ENDOU: variants seen among roughly 807,000 people sequenced by gnomAD.
ENDOU encodes endonuclease, poly(U) specific.
Under a neutral mutation model 54.2 loss-of-function variants are expected in ENDOU, and 49 were observed. The observed-to-expected ratio is 0.90, with a 90% CI of 0.72 to 1.15. The LOEUF is 1.15. ENDOU is among the 50% of genes most tolerant of loss of function. The pLI is 0.00. For missense variants in ENDOU, 458 were observed against 511.4 expected (o/e 0.90, Z 1.01); for synonymous variants, 172 against 190.5 (o/e 0.90, Z 0.80).
chr12:47,717,389 GC>G, intron 4 of ENDOU, 128 bp downstream of exon 4: 1 of 1,043,856 alleles, frequency 9.6e-7, no homozygotes, highest in Non-Finnish European at 1.4e-6. Context: ...CCGGAGTGAA[GC>G]CCCAGAGTTT....
At chr12:47,717,764 T>A in intron 3 of ENDOU, 109 bp from the exon 4 acceptor site, 2 of 1,183,450 alleles carry the variant, frequency 1.7e-6, no homozygotes, top group South Asian at 2.9e-5. Context: ...CCAGTAAAGA[T>A]CTCCAGGGAA....
chr12:47,716,186 C>A (rs995651126), intron 6 of ENDOU, 114 bp downstream of exon 6: 3 of 1,031,854 alleles, frequency 2.9e-6, no homozygotes, highest in Non-Finnish European at 4.5e-6. Flanking sequence ...GTACACTGAC[C>A]TCCACAGAGT....
chr12:47,713,198 C>G lies in ENDOU; in HGVS notation c.865+77G>C, dbSNP rs1374167926. Reference sequence around the variant, plus strand: ...GCTGGACTGCTGATTAATCCACACCCAGGGCTGCCCTGCTCCTGAGCAAAG... The same window carrying G: ...GCTGGACTGCTGATTAATCCACACCGAGGGCTGCCCTGCTCCTGAGCAAAG... On this transcript the variant is annotated intron_variant, in intron 7 of 9. Transcript: ENST00000422538. 1.3e-5 allele frequency: 13 copies of G among 1,009,648 alleles called. No homozygotes were observed. The Middle Eastern group carries it at 6.3e-4, about 49-fold the overall frequency. 62.5% of individuals were successfully genotyped at this position (1,009,648 alleles called of 1,614,324 possible). A position where few individuals can be genotyped will look rare whatever the true frequency, so the allele number is the denominator to read the frequency against.
At chr12:47,713,751 G>C (rs983882471) in intron 6 of ENDOU, among the ~76,000 whole-genome samples, 4 of 140,684 alleles carry the variant, frequency 2.8e-5, no homozygotes, top group Non-Finnish European at 4.7e-5. Context: ...GGGGGGGGGG[G>C]GTCTTCTAGA....
intron 6 of ENDOU, 54 bp downstream of exon 6, chr12:47,716,246 C>T: frequency 6.3e-7 from 1 of 1,586,406 alleles, no homozygotes; most frequent in Non-Finnish European, 8.6e-7. Flanking sequence ...CCCCGCCCAC[C>T]TGGCTTCGCT....
At position 47,712,625 on chromosome 12, in the gene ENDOU, A is replaced by G. The variant is rs759617938; in HGVS notation, c.866-3T>C. ...AACCTTGCCTTTTTTTACCTCACCTATAATAAAGAGTCCAAGATGGATAAT... is the reference window on the plus strand; with the variant it reads ...AACCTTGCCTTTTTTTACCTCACCTGTAATAAAGAGTCCAAGATGGATAAT... On this transcript the variant is annotated splice_polypyrimidine_tract_variant and splice_region_variant and intron_variant, in intron 7 of 9. Coordinates refer to ENST00000422538, the MANE Select transcript of ENDOU (RefSeq NM_001172439.2). The G allele has an allele frequency of 1.2e-6, 2 of 1,608,598 alleles. No individual in the cohort carries two copies. The highest frequency in any genetic ancestry group is 3.3e-5 in the Admixed American group (2 of 59,946).
chr12:47,717,705 T>C, intron 3 of ENDOU, 50 bp from the exon 4 acceptor site: 1 of 1,594,680 alleles, frequency 6.3e-7, no homozygotes, highest in Non-Finnish European at 8.6e-7. Flanking sequence ...GAGGTCGCTC[T>C]GAACGCCCCA....
At chr12:47,718,301 G>T in intron 2 of ENDOU, 107 bp from the exon 3 acceptor site, 1 of 957,254 alleles carries the variant, frequency 1.0e-6, no homozygotes. Context: ...AAGGGCACTG[G>T]AAGCAAATTC....
chr12:47,710,683 T>G lies in ENDOU; in HGVS notation c.*119A>C, dbSNP rs1217137874. ...GGGCACTTTGGGATTTAGGAATGCTTCTCATTGCTTTGAGATTTGGTGATC... is the reference window on the plus strand; with the variant it reads ...GGGCACTTTGGGATTTAGGAATGCTGCTCATTGCTTTGAGATTTGGTGATC... On this transcript the variant is annotated 3_prime_UTR_variant, in exon 10 of 10. Coordinates refer to ENST00000422538, the MANE Select transcript of ENDOU (RefSeq NM_001172439.2). 2 of 724,934 alleles carry G rather than the reference T, an allele frequency of 2.8e-6. No individual in the cohort carries two copies. The highest frequency in any genetic ancestry group is 5.0e-6 in the Non-Finnish European group (2 of 399,840). The allele number at this position is 724,934 out of a possible 1,614,324, so 44.9% of individuals were successfully genotyped here.
At chr12:47,722,801 C>T (rs1940474939) in intron 1 of ENDOU, among the ~76,000 whole-genome samples, 1 of 152,198 alleles carries the variant, frequency 6.6e-6, no homozygotes, top group South Asian at 2.1e-4. Flanking sequence ...GGTCCTCAGA[C>T]AACTTCACAT....
In ENDOU at chr12:47,713,077, C is replaced by T. The variant is rs185897201; in HGVS notation, c.865+198G>A. On this transcript the variant is annotated intron_variant, in intron 7 of 9. Coordinates refer to ENST00000422538, the MANE Select transcript of ENDOU (RefSeq NM_001172439.2). Reference sequence around the variant, plus strand: ...GGTCTTCTTTCCCCCTTAGGTACTCCAGAAAAGACTGTTTCTCAGAATGGC... The same window carrying T: ...GGTCTTCTTTCCCCCTTAGGTACTCTAGAAAAGACTGTTTCTCAGAATGGC... Among the ~76,000 whole-genome samples, 5 of 152,208 alleles carry T rather than the reference C, an allele frequency of 3.3e-5. No homozygotes were observed. In the East Asian group the frequency reaches 9.7e-4, roughly 29 times the overall value.
chr12:47,722,120 T>C (rs1213855263), intron 1 of ENDOU, among the ~76,000 whole-genome samples: 2 of 152,206 alleles, frequency 1.3e-5, no homozygotes, highest in Non-Finnish European at 2.9e-5. Flanking sequence ...AGATGAATAA[T>C]CCCTGTTTTG....
At chr12:47,713,151 G>C (rs558005435) in intron 7 of ENDOU, 124 bp downstream of exon 7, 2 of 697,886 alleles carry the variant, frequency 2.9e-6, no homozygotes, top group Non-Finnish European at 5.1e-6. Context: ...GGGAGAGTGC[G>C]TGGGTCCCTC....
At chr12:47,713,149 G>C in intron 7 of ENDOU, 126 bp downstream of exon 7, 1 of 687,536 alleles carries the variant, frequency 1.5e-6, no homozygotes. Flanking sequence ...AGGGGAGAGT[G>C]CGTGGGTCCC....
chr12:47,717,624 G>A lies in ENDOU; in HGVS notation c.276C>T (p.Gly92=). The part of the protein sequence containing the change: ...NLYSAPTSCQ[G]RCYEAFDKHH... ...GCTTGTCAAAGGCTTCGTAGCAGCGGCCCTGGCAGGAGGTGGGTGCCGAGT... is the reference window on the plus strand; with the variant it reads ...GCTTGTCAAAGGCTTCGTAGCAGCGACCCTGGCAGGAGGTGGGTGCCGAGT... The change falls in exon 4 of 10, where the codon GGC becomes GGT. Residue 92 remains glycine, a synonymous_variant. Coordinates refer to ENST00000422538, the MANE Select transcript of ENDOU (RefSeq NM_001172439.2). 1 of 1,614,154 alleles carries A rather than the reference G, an allele frequency of 6.2e-7. No individual in the cohort carries two copies. Among genetic ancestry groups the A allele is most frequent in the Non-Finnish European group, 8.5e-7 (1 of 1,180,036 alleles).
At chr12:47,711,832 C>G (rs1487843752) in intron 8 of ENDOU, 57 bp from the exon 9 acceptor site, 5 of 1,593,524 alleles carry the variant, frequency 3.1e-6, no homozygotes, top group Non-Finnish European at 4.3e-6. Context: ...TGGAGTAGAA[C>G]GGGTGCCCAA....
intron 1 of ENDOU, among the ~76,000 whole-genome samples, chr12:47,724,136 T>C (rs1940516295): frequency 6.6e-6 from 1 of 152,040 alleles, no homozygotes; most frequent in Non-Finnish European, 1.5e-5. Context: ...ATATCCAGAG[T>C]TGCTCTCCTT....
chr12:47,721,387 GTGTA>G (rs1260997001), intron 1 of ENDOU, among the ~76,000 whole-genome samples: 1 of 152,136 alleles, frequency 6.6e-6, no homozygotes, highest in African/African-American at 2.4e-5. Context: ...TGTGAACTGG[GTGTA>G]GCCCACAGGC....
intron 8 of ENDOU, 58 bp from the exon 9 acceptor site, chr12:47,711,833 G>A (rs1158205355): frequency 1.1e-5 from 18 of 1,591,576 alleles, no homozygotes; most frequent in Admixed American, 1.0e-4. Flanking sequence ...GGAGTAGAAC[G>A]GGTGCCCAAT....
Sources: allele counts gnomAD v4.1 joint callset (sites outside exome capture counted in the v4.1 genomes callset), GRCh38; gene constraint gnomAD v4.1.1; transcripts MANE v1.5; gene names NCBI Gene and HGNC (gene_info 2026-07-23, HGNC 2026-07-21).